The following MTUS1 variants were observed in gnomAD, a reference collection of about 807,000 sequenced individuals.
MTUS1 encodes microtubule-associated tumor suppressor 1.
MTUS1 carries 109 observed loss-of-function variants against 120.8 expected under a neutral mutation model. That is an observed-to-expected ratio of 0.90 (90% CI 0.77 to 1.06). The LOEUF is 1.06. MTUS1 is among the 50% of genes least tolerant of loss of function. The pLI, the probability that MTUS1 is intolerant of heterozygous loss-of-function variation, is 0.00. For synonymous variants in MTUS1, 737 were observed against 550.5 expected, an observed-to-expected ratio of 1.34 and a Z score of -4.74; for missense variants, 2,210 against 1,486.3, an observed-to-expected ratio of 1.49 and a Z score of -8.01.
intron 14 of MTUS1, 72 bp from the exon 15 acceptor site, chr8:17,646,211 T>A: frequency 1.4e-6 from 2 of 1,428,394 alleles, no homozygotes; most frequent in Non-Finnish European, 1.8e-6. Flanking sequence ...TTTCTTAGCG[T>A]TTGAAACTTT....
chr8:17,678,135 G>C (rs1025804760), intron 7 of MTUS1, among the ~76,000 whole-genome samples: 2 of 152,070 alleles, frequency 1.3e-5, no homozygotes. Context: ...ACATACTAAG[G>C]GTTAGTTTCT....
Position 17,647,058 on chromosome 8 carries a change from C to T in MTUS1, c.3523G>A (p.Val1175Ile). 1 of 1,613,944 alleles carries T rather than the reference C, an allele frequency of 6.2e-7. No homozygotes were observed. Among genetic ancestry groups the T allele is most frequent in the Non-Finnish European group, 8.5e-7 (1 of 1,179,948 alleles). Residue 1175 changes from valine to isoleucine, a missense_variant, in exon 14 of 15, where the codon GTT becomes ATT. Physicochemically the swap from Val to Ile is conservative, Grantham distance 29. Transcript: ENST00000693296. ...EKLVDNNTAL[V>I]DKLKRFQQEN... is the part of the protein sequence containing the mutation. ...TGCTGGAAACGCTTCAATTTGTCAACCAATGCTGTGTTGTTGTCCACCTTG... is the reference window on the plus strand; with the variant it reads ...TGCTGGAAACGCTTCAATTTGTCAATCAATGCTGTGTTGTTGTCCACCTTG...
In MTUS1 at chr8:17,753,915, A is replaced by C. The variant is rs750308895; in HGVS notation, c.1893T>G (p.Ser631=). The C allele has an allele frequency of 6.2e-7, 1 of 1,614,218 alleles. No homozygotes were observed. Among genetic ancestry groups the C allele is most frequent in the Non-Finnish European group, 8.5e-7 (1 of 1,180,040 alleles). ...TGCCTTTGATCTTCTGAAACAACGC[A>C]GAAACGGACCCGGTCTCGCATGCTG... ...SNSACETGSV[S]ALFQKIKGIL... is the part of the protein sequence containing the mutation. Residue 631 remains serine (S), a synonymous_variant, in exon 2 of 15, where the codon TCT becomes TCG. Coordinates refer to ENST00000693296, the MANE Select transcript of MTUS1 (RefSeq NM_001363059.2).
chr8:17,757,757 C>G (rs28678939), intron 1 of MTUS1, among the ~76,000 whole-genome samples: 2,592 of 152,210 alleles, frequency 0.017, 32 homozygotes, highest in South Asian at 0.067. Context: ...GAACTCCTGA[C>G]CTCAGGTAAT....
chr8:17,779,611 G>T (rs1448718125), intron 1 of MTUS1, among the ~76,000 whole-genome samples: 1 of 152,090 alleles, frequency 6.6e-6, no homozygotes, highest in Non-Finnish European at 1.5e-5. Context: ...GGAAAAAATG[G>T]TCCCAGTTTG....
intron 1 of MTUS1, among the ~76,000 whole-genome samples, chr8:17,774,346 C>CT (rs2050245560): frequency 6.6e-6 from 1 of 152,150 alleles, no homozygotes; most frequent in East Asian, 1.9e-4. Context: ...AAAGGTGTTG[C>CT]TTTTCCTACT....
In MTUS1 at chr8:17,747,170, C is replaced by G. The variant is rs147490055; in HGVS notation, c.2092-3371G>C. Among the ~76,000 whole-genome samples the G allele has an allele frequency of 4.3e-3, 649 of 152,316 alleles. 3 individuals carry two copies. Among genetic ancestry groups the G allele is most frequent in the African/African-American group, 0.014 (588 of 41,576 alleles). On this transcript the variant is annotated intron_variant, in intron 2 of 14. Transcript: ENST00000693296. ...GCAATCCTTTTGCATATGGAAGCCC[C>G]TGCCATCCTCTTCACCTTATTCCCT...
chr8:17,761,552 G>A (rs1201750816), intron 1 of MTUS1, among the ~76,000 whole-genome samples: 1 of 152,132 alleles, frequency 6.6e-6, no homozygotes, highest in African/African-American at 2.4e-5. Context: ...CTCAATAGAG[G>A]CTTATATAAG....
intron 1 of MTUS1, among the ~76,000 whole-genome samples, chr8:17,766,708 C>G (rs1333587793): frequency 6.6e-6 from 1 of 152,062 alleles, no homozygotes; most frequent in Non-Finnish European, 1.5e-5. Context: ...GCCAACCCCT[C>G]TTTTATAACA....
intron 2 of MTUS1, 42 bp from the exon 3 acceptor site, chr8:17,743,841 T>C (rs1320341738): frequency 1.9e-6 from 3 of 1,565,084 alleles, no homozygotes; most frequent in Non-Finnish European, 2.6e-6. Flanking sequence ...AAACTAAAAT[T>C]CTAAGCCCCC....
Position 17,670,411 on chromosome 8 carries a change from G to T in MTUS1, c.2905+4775C>A, listed in dbSNP as rs1255323716. Among the ~76,000 whole-genome samples, 3 of 152,290 alleles carry T rather than the reference G, an allele frequency of 2.0e-5. No individual in the cohort carries two copies. The South Asian group carries it at 6.2e-4, about 32-fold the overall frequency. On this transcript the variant is annotated intron_variant, in intron 8 of 14. Coordinates refer to ENST00000693296, the MANE Select transcript of MTUS1 (RefSeq NM_001363059.2). ...TATATACTATGACACTATTTAAGGG[G>T]TAAGTGAACGTATGGGACAGCCACT...
At chr8:17,649,743 T>C (rs772808359) in intron 13 of MTUS1, 103 bp downstream of exon 13, 20 of 696,600 alleles carry the variant, frequency 2.9e-5, no homozygotes, top group Admixed American at 4.6e-5. Flanking sequence ...TCTAAATATC[T>C]TTAGGAGCAG....
At chr8:17,667,053 G>C (rs997457850) in intron 8 of MTUS1, among the ~76,000 whole-genome samples, 3 of 152,196 alleles carry the variant, frequency 2.0e-5, no homozygotes, top group Non-Finnish European at 4.4e-5. Flanking sequence ...TGAGAGACTG[G>C]AGTTAGGACA....
At chr8:17,769,913 CACACACACACACACG>C (rs139329354) in intron 1 of MTUS1, among the ~76,000 whole-genome samples, 24,325 of 133,654 alleles carry the variant, frequency 0.18, 2,680 homozygotes, top group South Asian at 0.46. Flanking sequence ...CACACACACA[CACACACACACACACG>C]GGGGGGGTTG....
At chr8:17,714,770 T>C (rs985775363) in intron 5 of MTUS1, among the ~76,000 whole-genome samples, 2 of 152,172 alleles carry the variant, frequency 1.3e-5, no homozygotes, top group Non-Finnish European at 2.9e-5. Context: ...AGGAAGACTC[T>C]TTGTTTCTGT....
chr8:17,737,879 G>T (rs1358205215), intron 3 of MTUS1, among the ~76,000 whole-genome samples: 1 of 152,054 alleles, frequency 6.6e-6, no homozygotes, highest in African/African-American at 2.4e-5. Flanking sequence ...TCATAATTTT[G>T]CTTACTGTCT....
Position 17,684,441 on chromosome 8 carries a change from T to C in MTUS1, c.2725A>G (p.Lys909Glu), listed in dbSNP as rs780975437. 5.6e-6 allele frequency: 9 copies of C among 1,614,232 alleles called. No individual in the cohort carries two copies. Among genetic ancestry groups the C allele is most frequent in the East Asian group, 4.5e-5 (2 of 44,880 alleles). ...CCACTTTGGTTTTCACATTTTGTTTTATATTGCGTCAATTCAAGTGTTTTC... is the reference window on the plus strand; with the variant it reads ...CCACTTTGGTTTTCACATTTTGTTTCATATTGCGTCAATTCAAGTGTTTTC... ...PEKTLELTQYKTKCENQSGFI... is the reference protein window; with the variant it reads ...PEKTLELTQYETKCENQSGFI... Residue 909 changes from lysine to glutamate, a missense_variant, in exon 7 of 15, where the codon AAA (lysine) becomes GAA (glutamate). Transcript: ENST00000693296.
At chr8:17,717,596 T>C (rs1238055010) in intron 4 of MTUS1, among the ~76,000 whole-genome samples, 3 of 152,222 alleles carry the variant, frequency 2.0e-5, no homozygotes, top group African/African-American at 7.2e-5. Flanking sequence ...ACAGACCTAA[T>C]ATGCAATTGT....
chr8:17,721,494 G>A (rs1328921949), intron 4 of MTUS1, among the ~76,000 whole-genome samples: 1 of 152,122 alleles, frequency 6.6e-6, no homozygotes, highest in African/African-American at 2.4e-5. Context: ...CGATGCTGCT[G>A]AATTATATTA....
Sources: gnomAD v4.1 joint callset for allele counts (sites outside exome capture counted in the v4.1 genomes callset) on GRCh38, gnomAD v4.1.1 for gene constraint, MANE v1.5 for transcripts, NCBI Gene and HGNC (gene_info 2026-07-23, HGNC 2026-07-21) for gene names.